FRS2: variants seen among roughly 807,000 people sequenced by gnomAD.
The protein encoded by FRS2 is fibroblast growth factor receptor substrate 2.
FRS2 carries 8 observed loss-of-function variants against 43.9 expected under a neutral mutation model. That is an observed-to-expected ratio of 0.18 (90% CI 0.11 to 0.33). The LOEUF (loss-of-function observed/expected upper bound fraction) is 0.33, where lower values mean the gene tolerates loss of function less well. Ranked by LOEUF, FRS2 falls within the 10% of genes least tolerant of loss-of-function variation. The pLI is 1.00. For missense variants in FRS2, 534 were observed against 627.6 expected (o/e 0.85, Z 1.59); for synonymous variants, 219 against 220.3 (o/e 0.99, Z 0.05).
intron 3 of FRS2, among the ~76,000 whole-genome samples, chr12:69,539,294 C>G (rs1220965523): frequency 6.6e-6 from 1 of 152,110 alleles, no homozygotes; most frequent in South Asian, 2.1e-4. Context: ...CCAGGCTGGT[C>G]TTGAACTCCT....
At chr12:69,573,361 C>T (rs973994815) in intron 8 of FRS2, among the ~76,000 whole-genome samples, 2 of 152,038 alleles carry the variant, frequency 1.3e-5, no homozygotes, top group African/African-American at 4.8e-5. Context: ...GCTTTGAGAA[C>T]CTCTAAAACA....
At chr12:69,503,262 A>G (rs922011805) in intron 1 of FRS2, among the ~76,000 whole-genome samples, 5 of 152,094 alleles carry the variant, frequency 3.3e-5, no homozygotes, top group Admixed American at 3.3e-4. Context: ...AAAGCCAGCT[A>G]TGGAGAATAT....
intron 1 of FRS2, among the ~76,000 whole-genome samples, chr12:69,528,062 CA>C (rs1876431605): frequency 6.6e-6 from 1 of 152,080 alleles, no homozygotes; most frequent in Non-Finnish European, 1.5e-5. Context: ...GAACTCTTGC[CA>C]GAACTGTATC....
At chr12:69,557,624 GCGCGCGCGCGCGCAGGTGCATGCA>G (rs1565773197) in intron 3 of FRS2, among the ~76,000 whole-genome samples, 2 of 140,802 alleles carry the variant, frequency 1.4e-5, no homozygotes, top group Non-Finnish European at 3.1e-5. Context: ...GTGTGTGCGC[GCGCGCGCGCGCGCAGGTGCATGCA>G]CGCTAGGATT....
chr12:69,536,649 T>C (rs480116), intron 3 of FRS2, among the ~76,000 whole-genome samples: 90,509 of 150,912 alleles, frequency 0.6, 28,830 homozygotes, highest in African/African-American at 0.82. Context: ...GCACGATCCT[T>C]TAGCCTCGAT....
chr12:69,513,125 C>G (rs1530423), intron 1 of FRS2, among the ~76,000 whole-genome samples: 8,264 of 146,704 alleles, frequency 0.056, 578 homozygotes, highest in East Asian at 0.38. Context: ...CTCCCGCCCC[C>G]AAATCTCTGG....
chr12:69,576,955 A>C lies in FRS2; in HGVS notation c.*2000A>C, dbSNP rs1307380163. The stretch of plus-strand genomic sequence containing the variant: ...TCTGAGTAAATTGCTAATTGTGCCA[A>C]ATTTATGTAATAGTTTTTGTAATGT... On this transcript the variant is annotated 3_prime_UTR_variant, in exon 9 of 9. Transcript: ENST00000549921. 1 of 152,576 alleles carries C rather than the reference A, an allele frequency of 6.6e-6. No homozygotes were observed. The highest frequency in any genetic ancestry group is 1.5e-5 in the Non-Finnish European group (1 of 68,018). 9.5% of individuals were successfully genotyped at this position (152,576 alleles called of 1,614,324 possible). A position where few individuals can be genotyped will look rare whatever the true frequency, so the allele number is the denominator to read the frequency against.
At chr12:69,500,847 C>A (rs1370495712) in intron 1 of FRS2, among the ~76,000 whole-genome samples, 1 of 152,016 alleles carries the variant, frequency 6.6e-6, no homozygotes, top group Admixed American at 6.5e-5. Flanking sequence ...ATGTGAAGTT[C>A]TTTTTACTTT....
At chr12:69,538,400 C>T (rs537789004) in intron 3 of FRS2, among the ~76,000 whole-genome samples, 18 of 151,688 alleles carry the variant, frequency 1.2e-4, no homozygotes, top group African/African-American at 3.1e-4. Flanking sequence ...GAATGCTAAT[C>T]GGCGGTCTCC....
In FRS2 at chr12:69,574,671, T is replaced by C. The variant is rs200964541; in HGVS notation, c.1243T>C (p.Cys415Arg). ...AATAGAATATTCAAGGCGTCGGGAC[T>C]GTACACCAACAGTCTTTAACTTTGA... ...HKIEYSRRRD[C>R]TPTVFNFDIR... The change falls in exon 9 of 9, where the codon TGT becomes CGT. Residue 415 changes from cysteine to arginine, a missense_variant. By Grantham distance (180) the Cys-to-Arg change is radical (BLOSUM62 -3). This residue lies in a region of FRS2 where 446 missense variants were observed against 494.2 expected (regional missense o/e 0.90). Transcript: ENST00000549921. 1 of 1,614,226 alleles carries C rather than the reference T, an allele frequency of 6.2e-7. No individual in the cohort carries two copies. The highest frequency in any genetic ancestry group is 1.7e-5 in the Admixed American group (1 of 60,030).
chr12:69,556,011 G>GC (rs529598191), intron 3 of FRS2, among the ~76,000 whole-genome samples: 1 of 57,114 alleles, frequency 1.8e-5, no homozygotes, highest in Non-Finnish European at 3.2e-5. Context: ...TGTGTGGCGG[G>GC]GGGGGGGGCG....
At chr12:69,507,981 G>A (rs982573891) in intron 1 of FRS2, among the ~76,000 whole-genome samples, 8 of 126,884 alleles carry the variant, frequency 6.3e-5, no homozygotes, top group Admixed American at 2.1e-4. Flanking sequence ...CCGAGATCGC[G>A]CCATTGCACT....
At chr12:69,572,085 C>T in intron 7 of FRS2, 33 bp from the exon 8 acceptor site, 1 of 1,586,730 alleles carries the variant, frequency 6.3e-7, no homozygotes, top group Non-Finnish European at 8.6e-7. Flanking sequence ...TGCCCCGCCC[C>T]CCTTTTCCTT....
intron 1 of FRS2, among the ~76,000 whole-genome samples, chr12:69,510,075 C>A (rs943842163): frequency 2.0e-5 from 3 of 152,278 alleles, no homozygotes; most frequent in Middle Eastern, 3.4e-3. Flanking sequence ...CTGTGGCAAT[C>A]TCTAGCCCCC....
At chr12:69,494,702 G>C (rs551435635) in intron 1 of FRS2, among the ~76,000 whole-genome samples, 1 of 152,156 alleles carries the variant, frequency 6.6e-6, no homozygotes, top group Non-Finnish European at 1.5e-5. Context: ...TCTTGTAAGT[G>C]CTGACCCTAT....
intron 1 of FRS2, among the ~76,000 whole-genome samples, chr12:69,471,901 G>A (rs1459982836): frequency 6.6e-6 from 1 of 152,196 alleles, no homozygotes; most frequent in African/African-American, 2.4e-5. Flanking sequence ...CCTGAAAGGG[G>A]AGGTGGTATC....
intron 1 of FRS2, among the ~76,000 whole-genome samples, chr12:69,505,556 G>T (rs710792): frequency 0.37 from 55,796 of 151,918 alleles, 10,676 homozygotes; most frequent in South Asian, 0.58. Context: ...AAAGAATACC[G>T]CTTAAAAGAC....
At chr12:69,508,792 AT>A (rs1874191169) in intron 1 of FRS2, among the ~76,000 whole-genome samples, 1 of 152,010 alleles carries the variant, frequency 6.6e-6, no homozygotes, top group Non-Finnish European at 1.5e-5. Flanking sequence ...TTGGGTTTTC[AT>A]TTTAGATAGT....
intron 6 of FRS2, 145 bp downstream of exon 6, chr12:69,570,662 A>T (rs902514095): frequency 1.7e-6 from 1 of 581,856 alleles, no homozygotes; most frequent in East Asian, 2.8e-5. Context: ...TATACTGTGT[A>T]TTAATTTATC....
Sources: allele counts gnomAD v4.1 joint callset (sites outside exome capture counted in the v4.1 genomes callset), GRCh38; gene constraint gnomAD v4.1.1; regional missense constraint gnomAD v4.1.1; transcripts MANE v1.5; gene names NCBI Gene and HGNC (gene_info 2026-07-23, HGNC 2026-07-21).